Variants in KIAA1210 observed in about 807,000 individuals in gnomAD.
The protein encoded by KIAA1210 is acrosomal protein KIAA1210.
KIAA1210 carries 48 observed loss-of-function variants against 78.9 expected under a neutral mutation model. The ratio of observed to expected loss-of-function variants is 0.61; its 90% CI spans 0.48 to 0.77. KIAA1210 has a LOEUF of 0.77. Among genes scored for constraint, KIAA1210 ranks in the 30% least tolerant of loss-of-function variants. The probability of loss-of-function intolerance (pLI) is 0.00; values close to 1 mark genes in which losing one functional copy is unlikely to be tolerated. For synonymous variants in KIAA1210, 406 were observed against 404.5 expected (o/e 1.00, Z -0.04); for missense variants, 1,108 against 1,100.0 (o/e 1.01, Z -0.10).
chrX:119,130,268 T>C (rs1368850899), upstream of KIAA1210, among the ~76,000 whole-genome samples: 6 of 112,326 alleles, frequency 5.3e-5, no homozygotes, highest in Admixed American at 5.7e-4. Flanking sequence ...AGCCCCATGC[T>C]CTGACCTCCC....
chrX:119,092,950 C>T (rs1244732154), intron 8 of KIAA1210, among the ~76,000 whole-genome samples: 4 of 110,238 alleles, frequency 3.6e-5, no homozygotes, highest in African/African-American at 1.3e-4. Flanking sequence ...TCCTTTGTGG[C>T]AAAAACGTAA....
exon 1 of KIAA1210, chrX:119,150,464 C>T: frequency 8.3e-7 from 1 of 1,211,957 alleles, no homozygotes; most frequent in Non-Finnish European, 1.1e-6. Flanking sequence ...ATACGCTCGA[C>T]TTCCAATCCT....
At chrX:119,081,569 A>C in intron 11 of KIAA1210, 65 bp from the exon 12 acceptor site, 1 of 1,031,788 alleles carries the variant, frequency 9.7e-7, no homozygotes, top group Non-Finnish European at 1.3e-6. Flanking sequence ...TATGTTGTTT[A>C]TGGAATGCCA....
chrX:119,119,317 C>T (rs1928371219), intron 2 of KIAA1210, among the ~76,000 whole-genome samples: 1 of 111,779 alleles, frequency 8.9e-6, no homozygotes, highest in Admixed American at 9.5e-5. Flanking sequence ...AGTAGAGCAA[C>T]GAAAGATTAT....
chrX:119,093,930 C>A, intron 7 of KIAA1210, 155 bp from the exon 8 acceptor site: 1 of 935,860 alleles, frequency 1.1e-6, no homozygotes, highest in Admixed American at 2.3e-5. Context: ...GAGATATTTC[C>A]AGGGATTTCT....
intron 3 of KIAA1210, among the ~76,000 whole-genome samples, chrX:119,112,075 C>T (rs903522574): frequency 2.3e-4 from 25 of 110,720 alleles, no homozygotes; most frequent in Admixed American, 7.7e-4. Context: ...TCATGAGAGC[C>T]GATGGCTTAA....
chrX:119,124,672 G>C (rs750243007), intron 1 of KIAA1210, among the ~76,000 whole-genome samples: 2 of 111,910 alleles, frequency 1.8e-5, no homozygotes, highest in South Asian at 7.5e-4. Flanking sequence ...AGGATCACTT[G>C]AGCCCAGGAG....
intron 2 of KIAA1210, among the ~76,000 whole-genome samples, chrX:119,139,302 A>G (rs1928993116): frequency 8.9e-6 from 1 of 111,864 alleles, no homozygotes; most frequent in African/African-American, 3.3e-5. Flanking sequence ...GAAAACCTGA[A>G]TTGGGAAGCC....
intron 3 of KIAA1210, among the ~76,000 whole-genome samples, chrX:119,112,489 A>G (rs1482198583): frequency 8.9e-6 from 1 of 111,922 alleles, no homozygotes; most frequent in Non-Finnish European, 1.9e-5. Flanking sequence ...AAAAGATGTG[A>G]ATAGACATTT....
rs748261355 is a variant in KIAA1210 at position 119,108,450 on chromosome X, G to C, written c.379C>G (p.Leu127Val). The C allele has an allele frequency of 1.7e-6, 2 of 1,209,459 alleles. No individual in the cohort carries two copies. The highest frequency in any genetic ancestry group is 1.8e-5 in the South Asian group (1 of 56,711). The change falls in exon 5 of 12, where the codon CTG (leucine) becomes GTG (valine). Residue 127 changes from leucine to valine, a missense_variant. By Grantham distance (32) the Leu-to-Val change is conservative. Around this residue, in one of 5 missense-constraint regions of KIAA1210, gnomAD observed 672 missense variants for 607.1 expected, o/e 1.11. Coordinates refer to ENST00000691062, the MANE Select transcript of KIAA1210 (RefSeq NM_001394962.1). ...PQQRSHISRT[L>V]PKPRSKVPGV... Reference sequence around the variant, plus strand: ...GGAACCTTACTCCTAGGTTTAGGCAGAGTTCTGGAAATATGGGATCTCTGT... The same window carrying C: ...GGAACCTTACTCCTAGGTTTAGGCACAGTTCTGGAAATATGGGATCTCTGT...
upstream of KIAA1210, among the ~76,000 whole-genome samples, chrX:119,130,601 C>G (rs1288111272): frequency 8.9e-6 from 1 of 112,410 alleles, no homozygotes; most frequent in African/African-American, 3.2e-5. Context: ...CTTGCAGTGG[C>G]AAACAGAAAT....
upstream of KIAA1210, among the ~76,000 whole-genome samples, chrX:119,131,559 G>T (rs753666951): frequency 1.8e-5 from 2 of 112,254 alleles, no homozygotes; most frequent in South Asian, 7.4e-4. Context: ...AATAAAAGTT[G>T]AAAAAATAAA....
Position 119,118,429 on chromosome X carries a change from A to G in KIAA1210, c.62-1765T>C, listed in dbSNP as rs1928345281. On this transcript the variant is annotated intron_variant, in intron 2 of 11. Coordinates refer to ENST00000691062, the MANE Select transcript of KIAA1210 (RefSeq NM_001394962.1). ...GAAAATTCTGGATTAGACAAAGTTC[A>G]GTAGCCTGCTTTTCAACAAAACTTT... Among the ~76,000 whole-genome samples, 3 of 112,489 alleles carry G rather than the reference A, an allele frequency of 2.7e-5. No homozygotes were observed. In the South Asian group the frequency reaches 1.1e-3, roughly 42 times the overall value.
At chrX:119,085,090 T>G (rs1473014697) in intron 10 of KIAA1210, among the ~76,000 whole-genome samples, 1 of 112,100 alleles carries the variant, frequency 8.9e-6, no homozygotes, top group African/African-American at 3.2e-5. Context: ...GCATGTTGCC[T>G]AAGTTGGTCT....
chrX:119,145,572 C>T (rs571450652), intron 2 of KIAA1210, among the ~76,000 whole-genome samples: 3 of 111,077 alleles, frequency 2.7e-5, no homozygotes, highest in Non-Finnish European at 3.8e-5. Context: ...TGTTAGGAAC[C>T]GGGCCACACA....
intron 6 of KIAA1210, among the ~76,000 whole-genome samples, chrX:119,097,118 G>T (rs1032778176): frequency 8.9e-6 from 1 of 111,741 alleles, no homozygotes; most frequent in African/African-American, 3.3e-5. Flanking sequence ...TATATTGGAG[G>T]GTTGGGTGGA....
intron 2 of KIAA1210, among the ~76,000 whole-genome samples, chrX:119,135,445 G>A (rs1928889555): frequency 8.9e-6 from 1 of 111,897 alleles, no homozygotes; most frequent in Non-Finnish European, 1.9e-5. Context: ...GGGGACCCTT[G>A]GGTGGTCAGA....
Position 119,093,956 on chromosome X carries a change from C to T in KIAA1210, c.847-181G>A, listed in dbSNP as rs745796093. 1.2e-5 allele frequency: 12 copies of T among 1,012,995 alleles called. No homozygotes were observed. The Admixed American group carries it at 2.5e-4, about 21-fold the overall frequency. The allele number at this position is 1,012,995 out of a possible 1,213,427, so 83.5% of individuals were successfully genotyped here. On this transcript the variant is annotated intron_variant, in intron 7 of 11. Coordinates refer to ENST00000691062, the MANE Select transcript of KIAA1210 (RefSeq NM_001394962.1). ...AGGGATTTCTTAATGGAATTGTTTCCACCAAGAGATCCTTGGGGATCATTT... is the reference window on the plus strand; with the variant it reads ...AGGGATTTCTTAATGGAATTGTTTCTACCAAGAGATCCTTGGGGATCATTT...
rs76750706 is a variant in KIAA1210, at chrX:119,142,711, G to A, written c.410+4762C>T. Among the ~76,000 whole-genome samples, 30 of 93,569 alleles carry A rather than the reference G, an allele frequency of 3.2e-4. No homozygotes were observed. In the East Asian group the frequency reaches 0.01, roughly 32 times the overall value. The allele number at this position is 93,569 out of a possible 115,157, so 81.3% of individuals were successfully genotyped here. A position where few individuals can be genotyped will look rare whatever the true frequency, so the allele number is the denominator to read the frequency against. ...AATCACTTGAACCCAGGAGGCAGAG[G>A]TTGCAGTGAGCCGAGATCATGCCAC... On this transcript the variant is annotated intron_variant, in intron 2 of 13. Coordinates refer to the KIAA1210 transcript ENST00000402510.
Sources: allele counts gnomAD v4.1 joint callset (sites outside exome capture counted in the v4.1 genomes callset), GRCh38; gene constraint gnomAD v4.1.1; regional missense constraint gnomAD v4.1.1; transcripts MANE v1.5; gene names NCBI Gene and HGNC (gene_info 2026-07-23, HGNC 2026-07-21).